The following LSAMP variants were observed in gnomAD, a reference collection of about 807,000 sequenced individuals.
LSAMP encodes limbic system associated membrane protein, also known as limbic system-associated membrane protein.
Under a neutral mutation model 38.6 loss-of-function variants are expected in LSAMP, and 7 were observed. The ratio of observed to expected loss-of-function variants is 0.18; its 90% CI spans 0.10 to 0.34. The LOEUF (loss-of-function observed/expected upper bound fraction) is 0.34. LSAMP is among the 10% of genes least tolerant of loss of function. LSAMP has a pLI of 1.00. For missense variants in LSAMP, 313 were observed against 420.0 expected, an observed-to-expected ratio of 0.75 and a Z score of 2.23; for synonymous variants, 154 against 166.8, an observed-to-expected ratio of 0.92 and a Z score of 0.59.
intron 3 of LSAMP, among the ~76,000 whole-genome samples, chr3:115,884,672 G>A (rs1303655185): frequency 1.3e-5 from 2 of 151,940 alleles, no homozygotes; most frequent in Non-Finnish European, 2.9e-5. Context: ...ACAATGCAAG[G>A]AATGCCAACA....
intron 1 of LSAMP, among the ~76,000 whole-genome samples, chr3:116,290,558 T>C (rs1314134445): frequency 2.6e-5 from 4 of 151,634 alleles, no homozygotes; most frequent in Non-Finnish European, 5.9e-5. Flanking sequence ...GGTAAAACCC[T>C]ATCTCTACTA....
chr3:116,090,487 C>T (rs759397989), intron 1 of LSAMP, among the ~76,000 whole-genome samples: 3 of 152,098 alleles, frequency 2.0e-5, no homozygotes, highest in African/African-American at 2.4e-5. Flanking sequence ...TGAGAATTCT[C>T]GGGCCATGCC....
At chr3:116,335,149 A>C (rs1044042372) in intron 1 of LSAMP, among the ~76,000 whole-genome samples, 4 of 152,100 alleles carry the variant, frequency 2.6e-5, no homozygotes, top group African/African-American at 9.6e-5. Context: ...TAAAATGCTT[A>C]GCAATTAACA....
intron 1 of LSAMP, among the ~76,000 whole-genome samples, chr3:116,203,847 GC>G (rs1202004847): frequency 3.3e-5 from 5 of 152,178 alleles, no homozygotes; most frequent in African/African-American, 9.6e-5. Flanking sequence ...TGTGAATAAT[GC>G]CGCAATAAAC....
intron 1 of LSAMP, among the ~76,000 whole-genome samples, chr3:116,103,502 C>A (rs1173847100): frequency 1.4e-5 from 2 of 140,334 alleles, no homozygotes; most frequent in African/African-American, 5.2e-5. Flanking sequence ...AGACAGTGTA[C>A]ATATCATATA....
intron 1 of LSAMP, among the ~76,000 whole-genome samples, chr3:116,272,075 T>G (rs1479783396): frequency 1.3e-5 from 2 of 152,104 alleles, no homozygotes; most frequent in East Asian, 3.9e-4. Context: ...GCCCTTTTTA[T>G]CTCTTTGTCT....
intron 3 of LSAMP, among the ~76,000 whole-genome samples, chr3:115,945,639 T>A (rs1157456949): frequency 6.6e-6 from 1 of 152,148 alleles, no homozygotes; most frequent in African/African-American, 2.4e-5. Flanking sequence ...TATCTTGTCA[T>A]CAATTTTTCT....
chr3:116,304,932 A>C (rs1189487189), intron 1 of LSAMP, among the ~76,000 whole-genome samples: 1 of 152,150 alleles, frequency 6.6e-6, no homozygotes, highest in Non-Finnish European at 1.5e-5. Flanking sequence ...ATGGAAGAAA[A>C]GGACGAAAGT....
At chr3:116,421,652 C>T (rs1431562561) in intron 1 of LSAMP, among the ~76,000 whole-genome samples, 1 of 151,690 alleles carries the variant, frequency 6.6e-6, no homozygotes, top group African/African-American at 2.4e-5. Flanking sequence ...CAAAAGAAGA[C>T]ATACGAATGG....
At chr3:116,026,401 G>A (rs974879336) in intron 2 of LSAMP, among the ~76,000 whole-genome samples, 4 of 152,058 alleles carry the variant, frequency 2.6e-5, no homozygotes, top group East Asian at 1.9e-4. Context: ...TAAGACTAAC[G>A]TTTCTTATAT....
chr3:115,860,737 C>T (rs886582186), intron 3 of LSAMP, among the ~76,000 whole-genome samples: 1 of 152,138 alleles, frequency 6.6e-6, no homozygotes, highest in Admixed American at 6.5e-5. Context: ...GCTACAGAGA[C>T]AGTGTAGAGT....
intron 3 of LSAMP, among the ~76,000 whole-genome samples, chr3:115,974,953 T>C (rs1221913036): frequency 1.3e-5 from 2 of 152,136 alleles, no homozygotes; most frequent in Non-Finnish European, 2.9e-5. Flanking sequence ...TTCAGTCAGT[T>C]GAGGGCTTAG....
intron 1 of LSAMP, among the ~76,000 whole-genome samples, chr3:116,432,480 CTGTTT>C (rs2049294404): frequency 6.6e-6 from 1 of 151,470 alleles, no homozygotes; most frequent in Admixed American, 6.6e-5. Flanking sequence ...ATTTTGAGTT[CTGTTT>C]TATTTTTATG....
chr3:116,261,890 TAATA>T (rs2046831488), intron 1 of LSAMP, among the ~76,000 whole-genome samples: 1 of 149,116 alleles, frequency 6.7e-6, no homozygotes, highest in South Asian at 2.1e-4. Context: ...TGCAATATAT[TAATA>T]AATTCTGATA....
chr3:116,430,067 T>C (rs2049260960), intron 1 of LSAMP, among the ~76,000 whole-genome samples: 1 of 152,180 alleles, frequency 6.6e-6, no homozygotes, highest in African/African-American at 2.4e-5. Context: ...GCATTTGACC[T>C]GATTAATCTT....
At chr3:116,432,511 T>C (rs1469497765) in intron 1 of LSAMP, among the ~76,000 whole-genome samples, 4 of 151,784 alleles carry the variant, frequency 2.6e-5, no homozygotes, top group African/African-American at 9.7e-5. Context: ...ATGAAGGCAT[T>C]AATGTAAACA....
intron 3 of LSAMP, among the ~76,000 whole-genome samples, chr3:115,892,187 G>A (rs936237857): frequency 5.9e-5 from 9 of 151,948 alleles, no homozygotes; most frequent in African/African-American, 2.2e-4. Context: ...AAATTATTTG[G>A]TAGACTCTAC....
intron 1 of LSAMP, among the ~76,000 whole-genome samples, chr3:116,394,366 G>A (rs1576188983): frequency 1.3e-5 from 2 of 152,130 alleles, no homozygotes; most frequent in East Asian, 1.9e-4. Flanking sequence ...ATTCATATAA[G>A]CCATTAATAG....
chr3:115,954,556 A>G (rs957725570), intron 3 of LSAMP, among the ~76,000 whole-genome samples: 2 of 152,238 alleles, frequency 1.3e-5, no homozygotes, highest in African/African-American at 4.8e-5. Context: ...TCTTTGACAC[A>G]TCAGCTGCTG....
Sources: allele counts gnomAD v4.1 joint callset (sites outside exome capture counted in the v4.1 genomes callset), GRCh38; gene constraint gnomAD v4.1.1; transcripts MANE v1.5; gene names NCBI Gene and HGNC (gene_info 2026-07-23, HGNC 2026-07-21).